The following DSCAML1 variants were observed in gnomAD, a reference collection of about 807,000 sequenced individuals.
The protein encoded by DSCAML1 is DS cell adhesion molecule like 1, also known as cell adhesion molecule DSCAML1.
A neutral mutation model predicts 200.5 loss-of-function variants in DSCAML1; 38 were observed. That is an observed-to-expected ratio of 0.19 (90% CI 0.15 to 0.25). DSCAML1 has a LOEUF of 0.25. Ranked by LOEUF, DSCAML1 falls within the 10% of genes least tolerant of loss-of-function variation. The pLI is 1.00. For synonymous variants in DSCAML1, 1,215 were observed against 1,165.0 expected, an observed-to-expected ratio of 1.04 and a Z score of -0.87; for missense variants, 2,223 against 2,858.8, an observed-to-expected ratio of 0.78 and a Z score of 5.07.
chr11:117,758,582 T>G lies in DSCAML1; in HGVS notation c.511+18209A>C, dbSNP rs1039038090. On this transcript the variant is annotated intron_variant, in intron 3 of 32. Coordinates refer to ENST00000651296, the MANE Select transcript of DSCAML1 (RefSeq NM_020693.4). ...ACGTCCGGGTAATTTTTTTGTATTTTTAGTAGAGATGGGGTTTCACCGTGT... is the reference window on the plus strand; with the variant it reads ...ACGTCCGGGTAATTTTTTTGTATTTGTAGTAGAGATGGGGTTTCACCGTGT... Among the ~76,000 whole-genome samples the G allele has an allele frequency of 4.6e-5, 7 of 151,960 alleles. No homozygotes were observed. In the East Asian group the frequency reaches 1.2e-3, roughly 26 times the overall value.
intron 3 of DSCAML1, among the ~76,000 whole-genome samples, chr11:117,744,797 A>T (rs1379314905): frequency 3.3e-5 from 5 of 152,248 alleles, no homozygotes; most frequent in Admixed American, 3.3e-4. Context: ...GGGAGACCAC[A>T]GGGGGCACAG....
intron 3 of DSCAML1, among the ~76,000 whole-genome samples, chr11:117,730,626 C>G (rs757350369): frequency 4.6e-5 from 7 of 152,188 alleles, no homozygotes; most frequent in Non-Finnish European, 8.8e-5. Context: ...AAGTGTGCAG[C>G]CACTTTGGAA....
intron 3 of DSCAML1, among the ~76,000 whole-genome samples, chr11:117,684,446 A>G (rs950774919): frequency 6.7e-6 from 1 of 149,176 alleles, no homozygotes; most frequent in Non-Finnish European, 1.5e-5. Context: ...AAAAAAAAAA[A>G]AAAAAAAAAA....
At chr11:117,450,471 G>T in intron 20 of DSCAML1, 78 bp downstream of exon 20, 1 of 1,548,090 alleles carries the variant, frequency 6.5e-7, no homozygotes, top group Non-Finnish European at 8.7e-7. Flanking sequence ...TCAGGGTTTG[G>T]CCTGGAAGCC....
chr11:117,549,374 T>C lies in DSCAML1; in HGVS notation c.512-16852A>G, dbSNP rs573996529. Reference sequence around the variant, plus strand: ...CCTTCGAGATGGTGCTCAAAAAATATTCCTTAAATGAATGAATGGATGATT... The same window carrying C: ...CCTTCGAGATGGTGCTCAAAAAATACTCCTTAAATGAATGAATGGATGATT... On this transcript the variant is annotated intron_variant, in intron 3 of 32. Transcript: ENST00000651296. Among the ~76,000 whole-genome samples the C allele has an allele frequency of 4.6e-5, 7 of 152,346 alleles. No homozygotes were observed. In the South Asian group the frequency reaches 1.5e-3, roughly 32 times the overall value.
intron 18 of DSCAML1, 134 bp downstream of exon 18, chr11:117,461,316 G>C (rs1053001990): frequency 3.1e-6 from 4 of 1,293,168 alleles, no homozygotes; most frequent in Non-Finnish European, 4.3e-6. Context: ...TGGTCTCCCC[G>C]TGTGGAGAAG....
chr11:117,430,268 T>C (rs2047758666), intron 32 of DSCAML1, among the ~76,000 whole-genome samples: 1 of 152,080 alleles, frequency 6.6e-6, no homozygotes, highest in Non-Finnish European at 1.5e-5. Flanking sequence ...TTTGTTTGGG[T>C]CTGGATTAAA....
At chr11:117,583,145 G>T (rs1308180513) in intron 3 of DSCAML1, among the ~76,000 whole-genome samples, 2 of 151,776 alleles carry the variant, frequency 1.3e-5, no homozygotes, top group Non-Finnish European at 1.5e-5. Flanking sequence ...TTTCCCCTCC[G>T]CATGCTGATG....
At chr11:117,552,769 C>T (rs1169149255) in intron 3 of DSCAML1, among the ~76,000 whole-genome samples, 1 of 152,124 alleles carries the variant, frequency 6.6e-6, no homozygotes, top group Non-Finnish European at 1.5e-5. Context: ...AGTGGCGGGC[C>T]AGGGCTTGCA....
At chr11:117,594,722 G>A (rs1415918382) in intron 3 of DSCAML1, among the ~76,000 whole-genome samples, 1 of 152,188 alleles carries the variant, frequency 6.6e-6, no homozygotes, top group Non-Finnish European at 1.5e-5. Context: ...CTCCTCCCTG[G>A]TGTGGGGCAG....
At chr11:117,573,778 T>C (rs373242941) in intron 3 of DSCAML1, among the ~76,000 whole-genome samples, 14 of 152,218 alleles carry the variant, frequency 9.2e-5, no homozygotes, top group African/African-American at 3.1e-4. Flanking sequence ...AAGAAGAGCA[T>C]TGAAGGAGGA....
In DSCAML1 at chr11:117,461,467, G is replaced by A. The variant is rs1249890727; in HGVS notation, c.3395C>T (p.Ser1132Phe). Residue 1132 changes from serine to phenylalanine, a missense_variant, in exon 18 of 33, where the codon TCC (serine) becomes TTC (phenylalanine). By Grantham distance (155) the Ser-to-Phe change is radical. This residue lies in a region of DSCAML1 where 438 missense variants were observed against 629.7 expected (regional missense o/e 0.70). Coordinates refer to ENST00000651296, the MANE Select transcript of DSCAML1 (RefSeq NM_020693.4). ...AGACTCACCCCCATCAACATAGAGG[G>A]ACCAGAAGATGACCCGATAGCCTTT... ...VLKGYRVIFWSLYVDGEWGEM... is the reference protein window; with the variant it reads ...VLKGYRVIFWFLYVDGEWGEM... 1 of 1,614,180 alleles carries A rather than the reference G, an allele frequency of 6.2e-7. No individual in the cohort carries two copies.
chr11:117,532,143 GA>G (rs1399103272), intron 4 of DSCAML1, among the ~76,000 whole-genome samples: 5 of 137,290 alleles, frequency 3.6e-5, no homozygotes, highest in African/African-American at 1.2e-4. Flanking sequence ...AAAAAAAAAG[GA>G]AAAAAAAGGG....
In DSCAML1 at chr11:117,438,091, G is replaced by A; in HGVS notation, c.4244-8C>T. ...AGTACTGTAGCACGAAGCCTGCGGA[G>A]GGTAGGCCTGATTCAGGTGGGGGCA... On this transcript the variant is annotated splice_region_variant and splice_polypyrimidine_tract_variant and intron_variant, in intron 24 of 32. Transcript: ENST00000651296. 4 of 1,599,992 alleles carry A rather than the reference G, an allele frequency of 2.5e-6. No individual in the cohort carries two copies. The highest frequency in any genetic ancestry group is 1.1e-5 in the South Asian group (1 of 89,768).
At chr11:117,655,498 C>T (rs748699885) in intron 3 of DSCAML1, among the ~76,000 whole-genome samples, 3 of 152,216 alleles carry the variant, frequency 2.0e-5, no homozygotes, top group East Asian at 3.9e-4. Flanking sequence ...AGCTAGTAAA[C>T]GGTAGAGACA....
At chr11:117,621,913 G>T (rs978371078) in intron 3 of DSCAML1, among the ~76,000 whole-genome samples, 15 of 152,228 alleles carry the variant, frequency 9.9e-5, no homozygotes, top group African/African-American at 2.6e-4. Flanking sequence ...TTGTCAAGAG[G>T]TTACCATGAG....
rs151330891 is a variant in DSCAML1 at position 117,428,427 on chromosome 11, C to T, written c.6063G>A (p.Gly2021=). The T allele has an allele frequency of 6.4e-5, 99 of 1,551,758 alleles. No individual in the cohort carries two copies. In the African/African-American group the frequency reaches 8.4e-4, roughly 13 times the overall value. ...PRAGGPHTKM[G]GSRDSLLEMS... ...TCTCGAGAAGCGAGTCCCTGGAGCC[C>T]CCCATTTTGGTGTGTGGGCCCCCGG... The change falls in exon 33 of 33, where the codon GGG becomes GGA. Residue 2021 remains glycine (G), a synonymous_variant. Coordinates refer to ENST00000651296, the MANE Select transcript of DSCAML1 (RefSeq NM_020693.4).
chr11:117,534,788 T>A (rs775507667), intron 3 of DSCAML1, among the ~76,000 whole-genome samples: 1 of 151,992 alleles, frequency 6.6e-6, no homozygotes, highest in Non-Finnish European at 1.5e-5. Flanking sequence ...TAAAAAAAAA[T>A]TTTTGTAGAG....
intron 16 of DSCAML1, among the ~76,000 whole-genome samples, chr11:117,466,139 G>T (rs1305926890): frequency 6.6e-6 from 1 of 152,210 alleles, no homozygotes; most frequent in East Asian, 1.9e-4. Context: ...AGAGATACTT[G>T]TACACTCATG....
Sources: allele counts gnomAD v4.1 joint callset (sites outside exome capture counted in the v4.1 genomes callset), GRCh38; gene constraint gnomAD v4.1.1; regional missense constraint gnomAD v4.1.1; transcripts MANE v1.5; gene names NCBI Gene and HGNC (gene_info 2026-07-23, HGNC 2026-07-21).